Variants in DKK2 observed in about 807,000 individuals in gnomAD.
DKK2 encodes the protein dickkopf Wnt signaling pathway inhibitor 2.
DKK2 carries 11 observed loss-of-function variants against 28.1 expected under a neutral mutation model. The observed-to-expected ratio is 0.39, with a 90% CI of 0.25 to 0.65. The LOEUF (loss-of-function observed/expected upper bound fraction) is 0.65, where lower values mean the gene tolerates loss of function less well. Ranked by LOEUF, DKK2 falls within the 30% of genes least tolerant of loss-of-function variation. The probability of loss-of-function intolerance (pLI) is 0.47; values close to 1 mark genes in which losing one functional copy is unlikely to be tolerated. For synonymous variants in DKK2, 135 were observed against 126.5 expected, an observed-to-expected ratio of 1.07 and a Z score of -0.45; for missense variants, 326 against 335.5, an observed-to-expected ratio of 0.97 and a Z score of 0.22.
At chr4:107,025,816 A>G (rs1560594602) in intron 1 of DKK2, among the ~76,000 whole-genome samples, 1 of 152,198 alleles carries the variant, frequency 6.6e-6, no homozygotes, top group Non-Finnish European at 1.5e-5. Flanking sequence ...TTTGACCTAC[A>G]CAAATTTAGA....
At chr4:106,995,934 A>G (rs1472393285) in intron 1 of DKK2, among the ~76,000 whole-genome samples, 1 of 151,182 alleles carries the variant, frequency 6.6e-6, no homozygotes. Flanking sequence ...TCTTTAACAA[A>G]CTCTTTCTCC....
intron 1 of DKK2, among the ~76,000 whole-genome samples, chr4:106,958,414 C>G (rs1241637678): frequency 6.6e-6 from 1 of 152,022 alleles, no homozygotes; most frequent in Non-Finnish European, 1.5e-5. Context: ...TATATCTCCT[C>G]CACCCCTTTA....
intron 1 of DKK2, among the ~76,000 whole-genome samples, chr4:106,965,432 TAAA>T (rs1462938008): frequency 6.6e-6 from 1 of 152,078 alleles, no homozygotes; most frequent in Non-Finnish European, 1.5e-5. Context: ...TTTTCTCACT[TAAA>T]AAGCAATAAA....
At chr4:106,983,259 G>T (rs1204758343) in intron 1 of DKK2, among the ~76,000 whole-genome samples, 1 of 147,148 alleles carries the variant, frequency 6.8e-6, no homozygotes, top group Non-Finnish European at 1.5e-5. Flanking sequence ...CATATTTTAT[G>T]ATTCTAATAT....
Position 107,006,788 on chromosome 4 carries a change from A to G in DKK2, c.222+28582T>C, listed in dbSNP as rs2110367289. On this transcript the variant is annotated intron_variant, in intron 1 of 3. Transcript: ENST00000285311. Reference sequence around the variant, plus strand: ...TAAATGAAAATTAAGGACATGTATAACTGTTAAATAAAAACCTTTTGGCTA... The same window carrying G: ...TAAATGAAAATTAAGGACATGTATAGCTGTTAAATAAAAACCTTTTGGCTA... 2.0e-5 allele frequency among the ~76,000 whole-genome samples: 3 copies of G among 152,332 alleles called. No homozygotes were observed. In the Middle Eastern group the frequency reaches 0.01, roughly 518 times the overall value.
At chr4:106,933,984 GTGTA>G (rs1476318303) in intron 1 of DKK2, among the ~76,000 whole-genome samples, 1 of 150,674 alleles carries the variant, frequency 6.6e-6, no homozygotes, top group African/African-American at 2.4e-5. Flanking sequence ...GTGTGTGTGT[GTGTA>G]TGTGTATATA....
chr4:106,957,829 A>G lies in DKK2; in HGVS notation c.223-31880T>C, dbSNP rs549697844. Among the ~76,000 whole-genome samples, 193 of 149,938 alleles carry G rather than the reference A, an allele frequency of 1.3e-3. 1 individual carries two copies. Among genetic ancestry groups the G allele is most frequent in the Non-Finnish European group, 2.3e-3 (157 of 67,380 alleles). On this transcript the variant is annotated intron_variant, in intron 1 of 3. Coordinates refer to ENST00000285311, the MANE Select transcript of DKK2 (RefSeq NM_014421.3). ...AATGACGAGTTAATGGGTGCAGCAC[A>G]CCAGCATGGCACATGTATACATATG...
At chr4:106,961,573 A>C (rs1393549732) in intron 1 of DKK2, among the ~76,000 whole-genome samples, 1 of 151,020 alleles carries the variant, frequency 6.6e-6, no homozygotes, top group Non-Finnish European at 1.5e-5. Flanking sequence ...CTGCACACAC[A>C]CACACACACA....
chr4:106,933,834 G>A (rs1724537109), intron 1 of DKK2, among the ~76,000 whole-genome samples: 1 of 152,000 alleles, frequency 6.6e-6, no homozygotes, highest in African/African-American at 2.4e-5. Flanking sequence ...TATGATTATA[G>A]AACAGGTTAT....
chr4:106,970,756 C>T (rs1033679572), intron 1 of DKK2, among the ~76,000 whole-genome samples: 1 of 151,986 alleles, frequency 6.6e-6, no homozygotes, highest in African/African-American at 2.4e-5. Flanking sequence ...AATCTTTAAT[C>T]CAGATGGTGC....
chr4:106,939,324 A>G (rs1285708515), intron 1 of DKK2, among the ~76,000 whole-genome samples: 19 of 152,222 alleles, frequency 1.2e-4, no homozygotes, highest in Non-Finnish European at 2.6e-4. Flanking sequence ...AATAACAGAC[A>G]GAGAGCCAAA....
intron 1 of DKK2, among the ~76,000 whole-genome samples, chr4:106,986,940 T>A (rs6829139): frequency 0.05 from 7,631 of 152,286 alleles, 304 homozygotes; most frequent in African/African-American, 0.11. Context: ...TTTATCCCAC[T>A]ATTAGCCATA....
chr4:106,991,279 G>C (rs911846362), intron 1 of DKK2, among the ~76,000 whole-genome samples: 5 of 152,092 alleles, frequency 3.3e-5, no homozygotes, highest in African/African-American at 1.2e-4. Flanking sequence ...TACTACAGCT[G>C]CCTTTTCTCA....
chr4:106,946,028 G>A (rs956584066), intron 1 of DKK2, among the ~76,000 whole-genome samples: 2 of 152,006 alleles, frequency 1.3e-5, no homozygotes, highest in Non-Finnish European at 2.9e-5. Flanking sequence ...AAAATAACAG[G>A]CTCCTGGAAA....
At position 107,017,984 on chromosome 4, in the gene DKK2, G is replaced by A. The variant is rs80178918; in HGVS notation, c.222+17386C>T. ...ATTTTTCCCACCAAGGGATGTTTCCGCCCTTCTTAGAAGTACCCAAAATTC... is the reference window on the plus strand; with the variant it reads ...ATTTTTCCCACCAAGGGATGTTTCCACCCTTCTTAGAAGTACCCAAAATTC... On this transcript the variant is annotated intron_variant, in intron 1 of 3. Transcript: ENST00000285311. Among the ~76,000 whole-genome samples, 594 of 152,096 alleles carry A rather than the reference G, an allele frequency of 3.9e-3. 3 individuals carry two copies. Among genetic ancestry groups the A allele is most frequent in the Middle Eastern group, 0.01 (3 of 294 alleles).
At chr4:107,020,907 G>A (rs1256800694) in intron 1 of DKK2, among the ~76,000 whole-genome samples, 1 of 151,834 alleles carries the variant, frequency 6.6e-6, no homozygotes, top group East Asian at 1.9e-4. Flanking sequence ...GGTTTGGGGT[G>A]GAGAACATAC....
At chr4:106,951,352 G>T (rs928458078) in intron 1 of DKK2, among the ~76,000 whole-genome samples, 9 of 152,058 alleles carry the variant, frequency 5.9e-5, no homozygotes, top group African/African-American at 2.2e-4. Context: ...TAAAGGAAAA[G>T]AAATCGATAT....
chr4:106,936,166 T>G (rs1460030291), intron 1 of DKK2, among the ~76,000 whole-genome samples: 1 of 151,664 alleles, frequency 6.6e-6, no homozygotes, highest in Non-Finnish European at 1.5e-5. Flanking sequence ...TCAAATTACT[T>G]TGAGCTACGG....
intron 1 of DKK2, among the ~76,000 whole-genome samples, chr4:106,981,167 TCAGAGTAAAG>T (rs899959860): frequency 2.6e-5 from 4 of 152,020 alleles, no homozygotes; most frequent in African/African-American, 4.8e-5. Flanking sequence ...AAAAAGGGAC[TCAGAGTAAAG>T]CAAAATTGTG....
Sources: gnomAD v4.1 joint callset for allele counts (sites outside exome capture counted in the v4.1 genomes callset) on GRCh38, gnomAD v4.1.1 for gene constraint, MANE v1.5 for transcripts, NCBI Gene and HGNC (gene_info 2026-07-23, HGNC 2026-07-21) for gene names.